The following CPD variants were observed in gnomAD, a reference collection of about 807,000 sequenced individuals.
CPD encodes metallocarboxypeptidase D.
Under a neutral mutation model 138.3 loss-of-function variants are expected in CPD, and 69 were observed. The observed-to-expected ratio is 0.50, with a 90% CI of 0.41 to 0.61. The LOEUF is 0.61. Ranked by LOEUF, CPD falls within the 20% of genes least tolerant of loss-of-function variation. The pLI is 0.00. For missense variants in CPD, 1,432 were observed against 1,733.3 expected, an observed-to-expected ratio of 0.83 and a Z score of 3.09; for synonymous variants, 651 against 642.1, an observed-to-expected ratio of 1.01 and a Z score of -0.21.
Position 30,419,001 on chromosome 17 carries a change from C to T in CPD, c.995-1840C>T, listed in dbSNP as rs544407300. Reference sequence around the variant, plus strand: ...ACTTTTTTGTCTTACCAATATCTATCCTATAAATATGCCAGTGAAATGGAG... The same window carrying T: ...ACTTTTTTGTCTTACCAATATCTATTCTATAAATATGCCAGTGAAATGGAG... On this transcript the variant is annotated intron_variant, in intron 2 of 20. Coordinates refer to ENST00000225719, the MANE Select transcript of CPD (RefSeq NM_001304.5). 3.3e-5 allele frequency among the ~76,000 whole-genome samples: 5 copies of T among 152,230 alleles called. No individual in the cohort carries two copies. The South Asian group carries it at 8.3e-4, about 25-fold the overall frequency.
chr17:30,453,288 G>C (rs969307796), intron 14 of CPD, among the ~76,000 whole-genome samples: 1 of 152,206 alleles, frequency 6.6e-6, no homozygotes, highest in Non-Finnish European at 1.5e-5. Flanking sequence ...ATAAAATAGG[G>C]GTACAGGCAT....
chr17:30,432,583 A>ATG (rs757895527), intron 8 of CPD, among the ~76,000 whole-genome samples: 67 of 151,916 alleles, frequency 4.4e-4, no homozygotes, highest in Admixed American at 1.1e-3. Context: ...GAATGTTAAA[A>ATG]TGTGTGTGTG....
chr17:30,451,816 C>T lies in CPD; in HGVS notation c.3175C>T (p.Arg1059Cys), dbSNP rs1430642075. The T allele has an allele frequency of 3.7e-6, 6 of 1,613,732 alleles. No individual in the cohort carries two copies. The highest frequency in any genetic ancestry group is 1.7e-5 in the Admixed American group (1 of 59,970). The change falls in exon 14 of 21, where the codon CGT (arginine) becomes TGT (cysteine). Residue 1059 changes from arginine to cysteine, a missense_variant. Coordinates refer to ENST00000225719, the MANE Select transcript of CPD (RefSeq NM_001304.5). ...CTSKIGQTNA[R>C]GKDLDTDFTN... ...TTCAAAAATAGGACAAACAAATGCTCGTGGCAAAGATTTGGATACAGACTT... is the reference window on the plus strand; with the variant it reads ...TTCAAAAATAGGACAAACAAATGCTTGTGGCAAAGATTTGGATACAGACTT...
intron 19 of CPD, 48 bp from the exon 20 acceptor site, chr17:30,462,322 T>A: frequency 6.8e-7 from 1 of 1,467,532 alleles, no homozygotes. Flanking sequence ...AGGGATACAG[T>A]ACACCTTAAG....
chr17:30,462,215 C>G (rs1913495553), intron 19 of CPD, among the ~76,000 whole-genome samples, 153 bp downstream of exon 19: 1 of 152,134 alleles, frequency 6.6e-6, no homozygotes, highest in South Asian at 2.1e-4. Context: ...TCCTTGTACC[C>G]CTTGCTAACA....
At chr17:30,381,928 C>G (rs1911060069) in intron 1 of CPD, among the ~76,000 whole-genome samples, 1 of 152,120 alleles carries the variant, frequency 6.6e-6, no homozygotes. Context: ...TCACTTTATA[C>G]TTCATCCAAT....
intron 2 of CPD, among the ~76,000 whole-genome samples, chr17:30,405,010 C>T (rs930010329): frequency 7.9e-5 from 12 of 152,048 alleles, no homozygotes; most frequent in African/African-American, 2.4e-4. Context: ...AAAGAGTTTA[C>T]TTGGTATGAT....
At chr17:30,407,709 G>A (rs965795203) in intron 2 of CPD, among the ~76,000 whole-genome samples, 18 of 152,112 alleles carry the variant, frequency 1.2e-4, no homozygotes, top group Non-Finnish European at 2.9e-5. Context: ...ATAGATTCTG[G>A]ATATTAGCCC....
Position 30,464,661 on chromosome 17 carries a change from C to T in CPD, c.3990C>T (p.His1330=), listed in dbSNP as rs914715894. The change falls in exon 21 of 21, where the codon CAC becomes CAT. Residue 1330 remains histidine (H), a synonymous_variant. Transcript: ENST00000225719. ...TCTGCTCAATCAAGTCTAATAGACA[C>T]AAGGATGGCTTTCATCGGCTCAGGC... is the stretch of plus-strand genomic sequence containing the variant. ...WCICSIKSNR[H]KDGFHRLRQH... The T allele has an allele frequency of 6.2e-7, 1 of 1,613,902 alleles. No individual in the cohort carries two copies. Among genetic ancestry groups the T allele is most frequent in the Non-Finnish European group, 8.5e-7 (1 of 1,179,916 alleles).
chr17:30,438,327 C>A (rs775321989), intron 8 of CPD, among the ~76,000 whole-genome samples: 1 of 152,128 alleles, frequency 6.6e-6, no homozygotes, highest in African/African-American at 2.4e-5. Flanking sequence ...ATCTTTCTCT[C>A]CTCTTGCTTT....
At chr17:30,416,355 G>C (rs1912107032) in intron 2 of CPD, among the ~76,000 whole-genome samples, 1 of 152,122 alleles carries the variant, frequency 6.6e-6, no homozygotes, top group Non-Finnish European at 1.5e-5. Flanking sequence ...ATGTTCTAGA[G>C]CTCTATTGCA....
chr17:30,392,227 C>G (rs1480254690), intron 2 of CPD, among the ~76,000 whole-genome samples: 4 of 152,068 alleles, frequency 2.6e-5, no homozygotes, highest in Non-Finnish European at 5.9e-5. Context: ...CCAGGCTGCT[C>G]TCTAACTCCT....
intron 20 of CPD, among the ~76,000 whole-genome samples, chr17:30,463,202 CG>C (rs1366940484): frequency 1.3e-5 from 2 of 152,210 alleles, no homozygotes; most frequent in African/African-American, 4.8e-5. Context: ...GTCACCTCCA[CG>C]GAGAGGCTTT....
At chr17:30,402,392 C>T (rs573448482) in intron 2 of CPD, among the ~76,000 whole-genome samples, 1 of 152,254 alleles carries the variant, frequency 6.6e-6, no homozygotes, top group African/African-American at 2.4e-5. Context: ...ATGGTGAAAC[C>T]CTGTCTCTAC....
chr17:30,431,692 G>A, intron 7 of CPD, 80 bp from the exon 8 acceptor site: 1 of 893,130 alleles, frequency 1.1e-6, no homozygotes, highest in Middle Eastern at 2.2e-4. Context: ...TCTCTTCTCT[G>A]GCAGTATTCT....
At chr17:30,384,574 A>G (rs1301573391) in intron 1 of CPD, among the ~76,000 whole-genome samples, 1 of 152,180 alleles carries the variant, frequency 6.6e-6, no homozygotes, top group Non-Finnish European at 1.5e-5. Flanking sequence ...GCCTGGCAAC[A>G]TGGCGAGACC....
chr17:30,411,993 G>T (rs1911981111), intron 2 of CPD, among the ~76,000 whole-genome samples: 1 of 152,098 alleles, frequency 6.6e-6, no homozygotes, highest in Non-Finnish European at 1.5e-5. Flanking sequence ...CTATCTTTGT[G>T]GTTTTATCTA....
Position 30,423,006 on chromosome 17 carries a change from C to T in CPD, c.1640C>T (p.Pro547Leu). The change falls in exon 5 of 21, where the codon CCG becomes CTG. Residue 547 changes from proline to leucine, a missense_variant. By Grantham distance (98) the Pro-to-Leu change is moderately conservative. Around this residue, in one of 6 missense-constraint regions of CPD, gnomAD observed 297 missense variants for 405.3 expected, o/e 0.73. Coordinates refer to ENST00000225719, the MANE Select transcript of CPD (RefSeq NM_001304.5). Reference protein sequence around the residue: ...ELYVMEISDNPGVHEPGEPEF... With the variant: ...ELYVMEISDNLGVHEPGEPEF... ...TATGTGATGGAGATATCTGATAATC[C>T]GGGTGTCCATGAACCAGGTAATTGG... The T allele has an allele frequency of 1.9e-6, 3 of 1,611,030 alleles. No individual in the cohort carries two copies. The highest frequency in any genetic ancestry group is 1.7e-6 in the Non-Finnish European group (2 of 1,177,978).
intron 13 of CPD, among the ~76,000 whole-genome samples, chr17:30,450,933 C>G (rs945108773): frequency 6.6e-6 from 1 of 152,046 alleles, no homozygotes; most frequent in African/African-American, 2.4e-5. Flanking sequence ...TACGTTGCCT[C>G]AGAGAAGGGA....
Sources: allele counts gnomAD v4.1 joint callset (sites outside exome capture counted in the v4.1 genomes callset), GRCh38; gene constraint gnomAD v4.1.1; regional missense constraint gnomAD v4.1.1; transcripts MANE v1.5; gene names NCBI Gene and HGNC (gene_info 2026-07-23, HGNC 2026-07-21).